APBA2: variants seen among roughly 807,000 people sequenced by gnomAD.
The protein encoded by APBA2 is amyloid beta precursor protein binding family A member 2.
In APBA2, 30 loss-of-function variants were observed where a neutral mutation model predicts 75.0. The observed-to-expected ratio is 0.40, with a 90% CI of 0.30 to 0.54. The LOEUF (loss-of-function observed/expected upper bound fraction) is 0.54, where lower values mean the gene tolerates loss of function less well. APBA2 is among the 20% of genes least tolerant of loss of function. The pLI is 0.49. For missense variants in APBA2, 801 were observed against 1,016.1 expected (o/e 0.79, Z 2.88); for synonymous variants, 444 against 409.6 (o/e 1.08, Z -1.01).
intron 4 of APBA2, 86 bp from the exon 5 acceptor site, chr15:29,074,835 A>C (rs1244889645): frequency 7.8e-7 from 1 of 1,284,640 alleles, no homozygotes; most frequent in East Asian, 2.4e-5. Flanking sequence ...GCATTTTACA[A>C]AATTGTATCA....
intron 6 of APBA2, 148 bp from the exon 7 acceptor site, chr15:29,092,927 G>A (rs1268589272): frequency 1.3e-5 from 14 of 1,046,108 alleles, no homozygotes; most frequent in Non-Finnish European, 1.5e-5. Context: ...CCGGCCGCCC[G>A]TGGCTGGCTG....
intron 2 of APBA2, among the ~76,000 whole-genome samples, chr15:28,929,479 G>T (rs1671419605): frequency 6.6e-6 from 1 of 152,202 alleles, no homozygotes. Flanking sequence ...CAAGGGTGTA[G>T]CACTTCCCGC....
At chr15:29,036,120 G>T (rs1034528342) in intron 3 of APBA2, among the ~76,000 whole-genome samples, 7 of 152,114 alleles carry the variant, frequency 4.6e-5, no homozygotes, top group Admixed American at 3.9e-4. Flanking sequence ...CCCCTCCCTT[G>T]TGTCCTTGTA....
In APBA2 at chr15:29,074,998, A is replaced by G. The variant is rs1210430965; in HGVS notation, c.1029A>G (p.Pro343=). 1.1e-5 allele frequency: 18 copies of G among 1,613,198 alleles called. No homozygotes were observed. The highest frequency in any genetic ancestry group is 1.5e-5 in the Non-Finnish European group (18 of 1,179,476). Reference sequence around the variant, plus strand: ...GACCTGTTGACAATAACAACATTCCAGAGGTAATTTTTTTCAAGGATGAGA... The same window carrying G: ...GACCTGTTGACAATAACAACATTCCGGAGGTAATTTTTTTCAAGGATGAGA... ...LNGPVDNNNI[P]ETKKVASFPS... The change falls in exon 5 of 15, where the codon CCA becomes CCG. Residue 343 remains proline, a synonymous_variant. Coordinates refer to ENST00000683413, the MANE Select transcript of APBA2 (RefSeq NM_001353788.2).
chr15:28,990,255 C>T (rs899452798), intron 2 of APBA2, among the ~76,000 whole-genome samples: 1 of 152,104 alleles, frequency 6.6e-6, no homozygotes, highest in Non-Finnish European at 1.5e-5. Flanking sequence ...ACTAAAAATA[C>T]AAAAATTAAC....
intron 2 of APBA2, among the ~76,000 whole-genome samples, chr15:28,953,352 A>G (rs2035991684): frequency 6.6e-6 from 1 of 152,064 alleles, no homozygotes; most frequent in Admixed American, 6.5e-5. Context: ...CAGCATTGAA[A>G]CAGCTGCCTT....
intron 2 of APBA2, among the ~76,000 whole-genome samples, chr15:28,971,570 C>T (rs2037071235): frequency 6.6e-6 from 1 of 152,162 alleles, no homozygotes; most frequent in Non-Finnish European, 1.5e-5. Flanking sequence ...ATGGGAGAGT[C>T]TGCTCCTGGG....
chr15:28,900,751 C>T (rs1441924569), intron 1 of APBA2, among the ~76,000 whole-genome samples: 2 of 152,220 alleles, frequency 1.3e-5, no homozygotes, highest in African/African-American at 2.4e-5. Flanking sequence ...TCTGCAGCCT[C>T]TTCACCCTGC....
chr15:28,894,715 G>A (rs966625351), intron 1 of APBA2, among the ~76,000 whole-genome samples: 5 of 152,286 alleles, frequency 3.3e-5, no homozygotes, highest in African/African-American at 1.2e-4. Flanking sequence ...CAATAACAAC[G>A]CATAGTTTAC....
At chr15:29,035,495 G>A (rs1222467291) in intron 3 of APBA2, among the ~76,000 whole-genome samples, 1 of 152,160 alleles carries the variant, frequency 6.6e-6, no homozygotes, top group Non-Finnish European at 1.5e-5. Context: ...CATGTTCAGT[G>A]AGGGTGGAAT....
At chr15:29,028,728 T>C (rs1156854755) in intron 3 of APBA2, among the ~76,000 whole-genome samples, 2 of 152,234 alleles carry the variant, frequency 1.3e-5, no homozygotes, top group African/African-American at 4.8e-5. Flanking sequence ...TATCTCATTG[T>C]GGTTTTGATT....
intron 5 of APBA2, among the ~76,000 whole-genome samples, chr15:29,075,267 G>C (rs969392508): frequency 1.3e-5 from 2 of 152,146 alleles, no homozygotes; most frequent in African/African-American, 4.8e-5. Flanking sequence ...GTGTGTGTGT[G>C]GGGGTGGGGG....
At position 29,114,458 on chromosome 15, in the gene APBA2, G is replaced by C. The variant is rs541546081; in HGVS notation, c.2178+442G>C. Among the ~76,000 whole-genome samples, 5 of 152,294 alleles carry C rather than the reference G, an allele frequency of 3.3e-5. No homozygotes were observed. In the South Asian group the frequency reaches 6.2e-4, roughly 19 times the overall value. ...TTCCACGGCAGTGTGAGGATGGTGT[G>C]GGGGAGGTGCAGGTTTTCCTCCAGA... On this transcript the variant is annotated intron_variant, in intron 14 of 14. Coordinates refer to ENST00000683413, the MANE Select transcript of APBA2 (RefSeq NM_001353788.2).
chr15:28,927,701 A>C (rs1206831877), intron 2 of APBA2, among the ~76,000 whole-genome samples: 1 of 150,482 alleles, frequency 6.6e-6, no homozygotes, highest in East Asian at 2.1e-4. Flanking sequence ...TGCTGGGATT[A>C]CAGGCATGAG....
At chr15:29,114,993 TGA>T (rs1444502883) in intron 14 of APBA2, among the ~76,000 whole-genome samples, 1 of 150,788 alleles carries the variant, frequency 6.6e-6, no homozygotes, top group Non-Finnish European at 1.5e-5. Flanking sequence ...GAGGAGAGTG[TGA>T]GTGGGTGTGT....
At chr15:28,911,912 G>A (rs149190299) in intron 1 of APBA2, among the ~76,000 whole-genome samples, 6 of 152,314 alleles carry the variant, frequency 3.9e-5, no homozygotes, top group South Asian at 2.1e-4. Flanking sequence ...GAAGCCAGAC[G>A]TCACTAGAGT....
chr15:28,998,271 C>T (rs750393), intron 3 of APBA2, among the ~76,000 whole-genome samples: 17,950 of 149,258 alleles, frequency 0.12, 1,512 homozygotes, highest in East Asian at 0.27. Flanking sequence ...TATAGGCCCT[C>T]GATCTATAAA....
At chr15:28,941,320 G>T (rs896441848) in intron 2 of APBA2, among the ~76,000 whole-genome samples, 1 of 152,062 alleles carries the variant, frequency 6.6e-6, no homozygotes, top group Admixed American at 6.5e-5. Context: ...CACACTGCCC[G>T]GGAGCTGGTC....
chr15:29,051,419 G>A (rs556786144), intron 3 of APBA2, among the ~76,000 whole-genome samples: 3 of 152,096 alleles, frequency 2.0e-5, no homozygotes, highest in East Asian at 1.9e-4. Context: ...GAATTGCTCC[G>A]CATACCAGTG....
Sources: gnomAD v4.1 joint callset for allele counts (sites outside exome capture counted in the v4.1 genomes callset) on GRCh38, gnomAD v4.1.1 for gene constraint, MANE v1.5 for transcripts, NCBI Gene and HGNC (gene_info 2026-07-23, HGNC 2026-07-21) for gene names.